The following DSC3 variants were observed in gnomAD, a reference collection of about 807,000 sequenced individuals.
DSC3 encodes the protein desmocollin-3.
A neutral mutation model predicts 89.5 loss-of-function variants in DSC3; 97 were observed. That is an observed-to-expected ratio of 1.08 (90% CI 0.92 to 1.28). DSC3 has a LOEUF of 1.28. Among genes scored for constraint, DSC3 ranks in the 50% most tolerant of loss-of-function variants. The pLI is 0.00. For synonymous variants in DSC3, 436 were observed against 384.1 expected (o/e 1.14, Z -1.58); for missense variants, 1,199 against 1,085.3 (o/e 1.10, Z -1.47).
chr18:31,016,558 C>A (rs750406783), intron 9 of DSC3, among the ~76,000 whole-genome samples: 1 of 152,196 alleles, frequency 6.6e-6, no homozygotes, highest in Non-Finnish European at 1.5e-5. Context: ...CAATTATACA[C>A]CACAGCCCCT....
intron 9 of DSC3, among the ~76,000 whole-genome samples, chr18:31,015,394 T>C (rs942072750): frequency 4.6e-5 from 7 of 152,306 alleles, no homozygotes; most frequent in African/African-American, 1.7e-4. Context: ...TGGAAATGTT[T>C]TTCTTAATAC....
At chr18:30,997,294 A>G (rs894738033) in intron 14 of DSC3, among the ~76,000 whole-genome samples, 1 of 152,188 alleles carries the variant, frequency 6.6e-6, no homozygotes, top group Non-Finnish European at 1.5e-5. Context: ...ACAGTTATGA[A>G]GTCTGGGAAG....
chr18:31,026,884 C>T (rs1344827316), intron 4 of DSC3, among the ~76,000 whole-genome samples: 2 of 152,026 alleles, frequency 1.3e-5, no homozygotes, highest in Non-Finnish European at 2.9e-5. Flanking sequence ...GTGTCTTCTC[C>T]CTGTTGGACA....
intron 15 of DSC3, among the ~76,000 whole-genome samples, chr18:30,996,106 A>G (rs1419337183): frequency 6.6e-6 from 1 of 151,862 alleles, no homozygotes; most frequent in Non-Finnish European, 1.5e-5. Context: ...CTTAAAATAA[A>G]AGCACTTTAC....
chr18:31,039,866 T>C (rs1390652024), intron 1 of DSC3, among the ~76,000 whole-genome samples: 5 of 152,194 alleles, frequency 3.3e-5, no homozygotes, highest in Admixed American at 6.5e-5. Context: ...ATACGTATAC[T>C]ATAATTTTGA....
At chr18:30,999,437 A>G (rs1018436318) in intron 14 of DSC3, among the ~76,000 whole-genome samples, 4 of 149,198 alleles carry the variant, frequency 2.7e-5, no homozygotes, top group African/African-American at 1.0e-4. Context: ...ATAAAATTCA[A>G]TTACAAAAAA....
Position 31,025,704 on chromosome 18 carries a change from A to T in DSC3, c.630+56T>A, listed in dbSNP as rs192366584. The stretch of plus-strand genomic sequence containing the variant: ...AGAGGAAAGAGTAGCTGGAGTAAGC[A>T]TCAGAAGAAACATAGTTTAATAATT... On this transcript the variant is annotated intron_variant, in intron 5 of 15. Transcript: ENST00000360428. The T allele has an allele frequency of 1.1e-5, 17 of 1,549,856 alleles. No individual in the cohort carries two copies. In the African/African-American group the frequency reaches 1.9e-4, roughly 17 times the overall value.
chr18:31,014,002 T>C (rs1985154274), intron 9 of DSC3, among the ~76,000 whole-genome samples: 1 of 152,146 alleles, frequency 6.6e-6, no homozygotes, highest in Non-Finnish European at 1.5e-5. Context: ...TATAATGAAC[T>C]AGTTAAATAA....
rs778507202 is a variant in DSC3 at position 31,018,743 on chromosome 18, C to CA, written c.999dup (p.Gly334TrpfsTer17). ...ATACAAGTTGATGTGCCTATCAATCCAAAAAACTGGCCATCCATGTCTTGT... is the reference window on the plus strand; with the variant it reads ...ATACAAGTTGATGTGCCTATCAATCCAAAAAAACTGGCCATCCATGTCTTGT... On this transcript the variant is annotated frameshift_variant, in exon 8 of 16. Coordinates refer to ENST00000360428, the MANE Select transcript of DSC3 (RefSeq NM_001941.5). LOFTEE classifies it high-confidence loss of function. 5.6e-6 allele frequency: 9 copies of CA among 1,613,582 alleles called. No individual in the cohort carries two copies. In the Admixed American group the frequency reaches 8.3e-5, roughly 15 times the overall value.
Position 31,042,677 on chromosome 18 carries a change from G to T in DSC3, c.-17C>A, listed in dbSNP as rs755603862. On this transcript the variant is annotated 5_prime_UTR_variant, in exon 1 of 16. Transcript: ENST00000360428. ...GGCGGCCATCGGGATGCCGGGCAGG[G>T]CCAGGAGAACGCGGGCGCCGGGAGG... The T allele has an allele frequency of 9.0e-5, 139 of 1,547,236 alleles. No individual in the cohort carries two copies. Among genetic ancestry groups the T allele is most frequent in the Middle Eastern group, 3.4e-4 (2 of 5,808 alleles).
At chr18:31,012,026 C>CTTTCCCAA (rs1567954324) in intron 9 of DSC3, among the ~76,000 whole-genome samples, 1 of 131,996 alleles carries the variant, frequency 7.6e-6, no homozygotes, top group East Asian at 2.8e-4. Flanking sequence ...AATCACAACT[C>CTTTCCCAA]TTTCCCAAGG....
intron 7 of DSC3, among the ~76,000 whole-genome samples, chr18:31,020,668 T>G (rs276919): frequency 6.6e-6 from 1 of 151,824 alleles, no homozygotes; most frequent in Admixed American, 6.6e-5. Flanking sequence ...TCTAGTCAGG[T>G]GCCATGGCTC....
chr18:31,011,510 G>A (rs1383691301), intron 9 of DSC3, among the ~76,000 whole-genome samples: 2 of 152,138 alleles, frequency 1.3e-5, no homozygotes, highest in African/African-American at 4.8e-5. Context: ...GACTAGCAAG[G>A]AAGAACCAGG....
At chr18:31,027,488 CTTCCTTCCTTCT>C (rs1302560127) in intron 4 of DSC3, among the ~76,000 whole-genome samples, 19 of 151,326 alleles carry the variant, frequency 1.3e-4, no homozygotes, top group African/African-American at 4.6e-4. Context: ...TCCTTCCTTC[CTTCCTTCCTTCT>C]TTCCTTCCTT....
intron 9 of DSC3, 83 bp from the exon 10 acceptor site, chr18:31,008,608 G>T: frequency 6.6e-7 from 1 of 1,523,420 alleles, no homozygotes; most frequent in South Asian, 1.1e-5. Flanking sequence ...TTGTCATCCT[G>T]ACCAGTGCTG....
At chr18:31,016,647 A>C (rs1487158452) in intron 9 of DSC3, among the ~76,000 whole-genome samples, 1 of 152,144 alleles carries the variant, frequency 6.6e-6, no homozygotes, top group African/African-American at 2.4e-5. Context: ...GTTCCCTCTA[A>C]AACCAGAGGG....
chr18:31,021,476 A>G (rs1985416750), intron 7 of DSC3, among the ~76,000 whole-genome samples: 1 of 152,208 alleles, frequency 6.6e-6, no homozygotes, highest in African/African-American at 2.4e-5. Flanking sequence ...TACTTTTTAT[A>G]GATTCCCACC....
At position 31,042,672 on chromosome 18, in the gene DSC3, G is replaced by T. The variant is rs898289237; in HGVS notation, c.-12C>A. On this transcript the variant is annotated 5_prime_UTR_variant, in exon 1 of 16. Coordinates refer to ENST00000360428, the MANE Select transcript of DSC3 (RefSeq NM_001941.5). ...CCAGCGGCGGCCATCGGGATGCCGG[G>T]CAGGGCCAGGAGAACGCGGGCGCCG... is the stretch of plus-strand genomic sequence containing the variant. 1 of 1,548,416 alleles carries T rather than the reference G, an allele frequency of 6.5e-7. No individual in the cohort carries two copies. Among genetic ancestry groups the T allele is most frequent in the Admixed American group, 2.0e-5 (1 of 50,912 alleles).
chr18:31,032,088 T>C (rs1016833542), intron 2 of DSC3, 104 bp downstream of exon 2: 120 of 778,482 alleles, frequency 1.5e-4, no homozygotes, highest in Non-Finnish European at 2.5e-4. Context: ...CATCCCTTTT[T>C]AGTAGATTCA....
Sources: gnomAD v4.1 joint callset for allele counts (sites outside exome capture counted in the v4.1 genomes callset) on GRCh38, gnomAD v4.1.1 for gene constraint, MANE v1.5 for transcripts, NCBI Gene and HGNC (gene_info 2026-07-23, HGNC 2026-07-21) for gene names.